Variants in CAMKK2 observed in about 807,000 individuals in gnomAD.
The protein encoded by CAMKK2 is calcium/calmodulin dependent protein kinase kinase 2.
Under a neutral mutation model 67.2 loss-of-function variants are expected in CAMKK2, and 30 were observed. That is an observed-to-expected ratio of 0.45 (90% confidence interval 0.33 to 0.61). The LOEUF is 0.61. Ranked by LOEUF, CAMKK2 falls within the 20% of genes least tolerant of loss-of-function variation. The pLI is 0.02. For missense variants in CAMKK2, 643 were observed against 802.0 expected, an observed-to-expected ratio of 0.80 and a Z score of 2.39; for synonymous variants, 322 against 326.2, an observed-to-expected ratio of 0.99 and a Z score of 0.14.
chr12:121,274,006 G>C, intron 2 of CAMKK2, 50 bp downstream of exon 2: 1 of 1,337,188 alleles, frequency 7.5e-7, no homozygotes, highest in Non-Finnish European at 1.0e-6. Flanking sequence ...CTGGGGGCAG[G>C]GAAGGGCACC....
At chr12:121,276,910 G>GA (rs1216882335) in intron 1 of CAMKK2, among the ~76,000 whole-genome samples, 1 of 106,118 alleles carries the variant, frequency 9.4e-6, no homozygotes. Context: ...GGTGGGGGGG[G>GA]GGTCTCTCTA....
rs1020796124 is a variant in CAMKK2, at chr12:121,245,771, C to A, written c.1453-531G>T. Reference sequence around the variant, plus strand: ...CCCTTCAAGCTGTTTTGGGAATTCACAGAGCTTCTGACTTTTTAAGCATTT... The same window carrying A: ...CCCTTCAAGCTGTTTTGGGAATTCAAAGAGCTTCTGACTTTTTAAGCATTT... On this transcript the variant is annotated intron_variant, in intron 14 of 16. Coordinates refer to ENST00000404169, the MANE Select transcript of CAMKK2 (RefSeq NM_001270485.2). This position sits in a 1 kb window ranked among gnomAD's most constrained non-coding sequence, Gnocchi z 5.8. Among the ~76,000 whole-genome samples, 2 of 152,252 alleles carry A rather than the reference C, an allele frequency of 1.3e-5. No individual in the cohort carries two copies. The highest frequency in any genetic ancestry group is 4.8e-5 in the African/African-American group (2 of 41,468).
upstream of CAMKK2, chr12:121,296,897 G>T: frequency 6.6e-6 from 1 of 151,692 alleles, no homozygotes; most frequent in South Asian, 1.9e-4. The surrounding 1 kb of genome is among the most constrained non-coding windows in gnomAD (Gnocchi z 7.1). Flanking sequence ...CGCCCCCGCC[G>T]GCTCGGCCCT....
intron 1 of CAMKK2, among the ~76,000 whole-genome samples, chr12:121,278,368 G>A (rs750015185): frequency 6.6e-6 from 1 of 152,216 alleles, no homozygotes; most frequent in Non-Finnish European, 1.5e-5. Flanking sequence ...AGGATTAGAT[G>A]AACCAAGCAC....
chr12:121,284,306 CTTGT>C (rs1898321078), intron 1 of CAMKK2, among the ~76,000 whole-genome samples: 2 of 152,156 alleles, frequency 1.3e-5, no homozygotes, highest in African/African-American at 2.4e-5. Flanking sequence ...TTTTGTTGTT[CTTGT>C]TTATTTTTAT....
At chr12:121,278,551 G>A (rs11829569) in intron 1 of CAMKK2, among the ~76,000 whole-genome samples, 7,340 of 152,184 alleles carry the variant, frequency 0.048, 557 homozygotes, top group African/African-American at 0.17. Flanking sequence ...GAATCACGGG[G>A]GCGGGTTCCC....
At chr12:121,282,749 TTTTTCTTTTCTTTTC>T (rs142853866) in intron 1 of CAMKK2, among the ~76,000 whole-genome samples, 1 of 150,544 alleles carries the variant, frequency 6.6e-6, no homozygotes, top group African/African-American at 2.5e-5. Flanking sequence ...TCTGTTCTTT[TTTTTCTTTTCTTTTC>T]TTTTCTTTTT....
At chr12:121,255,828 CTG>C in intron 7 of CAMKK2, 24 bp from the exon 8 acceptor site, 1 of 1,612,786 alleles carries the variant, frequency 6.2e-7, no homozygotes, top group East Asian at 2.2e-5. Context: ...AAGGGTGAAA[CTG>C]TTACATGGGA....
In CAMKK2 at chr12:121,274,477, T is replaced by C. The variant is rs747697513; in HGVS notation, c.50A>G (p.Gln17Arg). The change falls in exon 2 of 17, where the codon CAG (glutamine) becomes CGG (arginine). Residue 17 changes from glutamine (Q) to arginine (R), a missense_variant. By Grantham distance (43) the Gln-to-Arg change is conservative. Transcript: ENST00000404169. ...SQPSSNRAAP[Q>R]DELGGRGSSS... ...GCTGCCCCTGCCCCCCAGCTCATCC[T>C]GGGGGGCGGCCCGGTTGCTGCTGGG... 11 of 1,610,924 alleles carry C rather than the reference T, an allele frequency of 6.8e-6. 1 individual carries two copies. The highest frequency in any genetic ancestry group is 9.3e-6 in the Non-Finnish European group (11 of 1,179,122).
rs557954304 is a variant in CAMKK2 at position 121,253,745 on chromosome 12, C to T, written c.908-273G>A. 5.9e-5 allele frequency among the ~76,000 whole-genome samples: 9 copies of T among 152,332 alleles called. No individual in the cohort carries two copies. The highest frequency in any genetic ancestry group is 1.3e-4 in the Admixed American group (2 of 15,292). On this transcript the variant is annotated intron_variant, in intron 9 of 16. Coordinates refer to ENST00000404169, the MANE Select transcript of CAMKK2 (RefSeq NM_001270485.2). The surrounding 1 kb of genome is among the most constrained non-coding windows in gnomAD (Gnocchi z 5.0). ...ACATAAAACACTGCCAATAGCAATT[C>T]GTAATCGCCTGTTATTTATTAAGTC...
chr12:121,275,489 C>CAAAAAAAA (rs10669562), intron 1 of CAMKK2, among the ~76,000 whole-genome samples: 1 of 63,976 alleles, frequency 1.6e-5, no homozygotes, highest in African/African-American at 5.6e-5. Flanking sequence ...AAGACTGTCT[C>CAAAAAAAA]AAAAAAAAAA....
At chr12:121,276,135 G>A (rs1470129217) in intron 1 of CAMKK2, among the ~76,000 whole-genome samples, 1 of 147,796 alleles carries the variant, frequency 6.8e-6, no homozygotes, top group African/African-American at 2.5e-5. Context: ...ACTTCAGCCT[G>A]GATGACAGAG....
intron 11 of CAMKK2, among the ~76,000 whole-genome samples, chr12:121,251,851 G>C (rs1267526886): frequency 6.8e-6 from 1 of 146,554 alleles, no homozygotes; most frequent in Admixed American, 6.8e-5. Flanking sequence ...AAAAAATAGA[G>C]AGAGAAGCCC....
In CAMKK2 at chr12:121,249,544, G is replaced by A. The variant is rs949970693; in HGVS notation, c.1323+243C>T. Among the ~76,000 whole-genome samples the A allele has an allele frequency of 3.9e-5, 6 of 152,160 alleles. No individual in the cohort carries two copies. In the South Asian group the frequency reaches 8.3e-4, roughly 21 times the overall value. ...CAGAGGGTGGATCCCATCAGCCCAC[G>A]CCAATCAGAGCAAGTGCAGGCTGGC... On this transcript the variant is annotated intron_variant, in intron 13 of 16. Transcript: ENST00000404169.
intron 5 of CAMKK2, among the ~76,000 whole-genome samples, chr12:121,265,439 T>A (rs1894337394): frequency 6.6e-6 from 1 of 151,968 alleles, no homozygotes; most frequent in South Asian, 2.1e-4. Context: ...GGTGCTACGG[T>A]CAGGATGTTT....
At chr12:121,294,395 A>AC (rs1247380332) in intron 1 of CAMKK2, among the ~76,000 whole-genome samples, 11 of 152,052 alleles carry the variant, frequency 7.2e-5, no homozygotes, top group African/African-American at 2.4e-4. Context: ...GGGTGGGACC[A>AC]CCCCCGGATG....
intron 1 of CAMKK2, among the ~76,000 whole-genome samples, chr12:121,282,936 G>C (rs1050130469): frequency 3.3e-5 from 5 of 152,016 alleles, no homozygotes; most frequent in Non-Finnish European, 5.9e-5. Flanking sequence ...TGTATTTTTA[G>C]TGGAGACAGG....
intron 9 of CAMKK2, among the ~76,000 whole-genome samples, chr12:121,254,942 T>C (rs1328151388): frequency 1.3e-5 from 2 of 151,856 alleles, no homozygotes; most frequent in African/African-American, 4.8e-5. Context: ...GTCAGTGGGC[T>C]GGGGAAGGCA....
intron 9 of CAMKK2, among the ~76,000 whole-genome samples, chr12:121,254,503 C>T (rs1056619535): frequency 6.6e-6 from 1 of 152,068 alleles, no homozygotes; most frequent in South Asian, 2.1e-4. Context: ...AGAAAGGACA[C>T]CTGCCAATCA....
Sources: allele counts gnomAD v4.1 joint callset (sites outside exome capture counted in the v4.1 genomes callset), GRCh38; gene constraint gnomAD v4.1.1; non-coding constraint Gnocchi (gnomAD v3.1); transcripts MANE v1.5; gene names NCBI Gene and HGNC (gene_info 2026-07-23, HGNC 2026-07-21).